The following DOP1A variants were observed in gnomAD, a reference collection of about 807,000 sequenced individuals.
The protein encoded by DOP1A is protein DOP1A.
A neutral mutation model predicts 267.6 loss-of-function variants in DOP1A; 90 were observed. That is an observed-to-expected ratio of 0.34 (90% CI 0.28 to 0.40). The LOEUF (loss-of-function observed/expected upper bound fraction) is 0.40. DOP1A is among the 10% of genes least tolerant of loss of function. The pLI is 1.00. For missense variants in DOP1A, 2,437 were observed against 2,900.4 expected (o/e 0.84, Z 3.67); for synonymous variants, 932 against 999.1 (o/e 0.93, Z 1.27).
intron 4 of DOP1A, among the ~76,000 whole-genome samples, chr6:83,105,982 A>G (rs951027765): frequency 3.5e-4 from 54 of 152,336 alleles, no homozygotes; most frequent in African/African-American, 1.3e-3. Flanking sequence ...TCTTGTACAC[A>G]TACACACACG....
intron 37 of DOP1A, among the ~76,000 whole-genome samples, chr6:83,160,983 A>G (rs910961375): frequency 1.8e-4 from 27 of 152,016 alleles, no homozygotes; most frequent in Admixed American, 1.4e-3. Flanking sequence ...CCATATATAT[A>G]TATATATCTA....
intron 3 of DOP1A, among the ~76,000 whole-genome samples, chr6:83,099,567 T>G (rs1242502321): frequency 6.6e-6 from 1 of 152,100 alleles, no homozygotes; most frequent in Non-Finnish European, 1.5e-5. Flanking sequence ...TTTTTTAGAT[T>G]AACCAATATT....
At chr6:83,070,589 A>G (rs938233311) in intron 1 of DOP1A, among the ~76,000 whole-genome samples, 2 of 152,130 alleles carry the variant, frequency 1.3e-5, no homozygotes, top group African/African-American at 4.8e-5. Flanking sequence ...TTATACTTTT[A>G]CTCTCTGAGA....
intron 1 of DOP1A, among the ~76,000 whole-genome samples, chr6:83,071,862 AT>A (rs1295068384): frequency 6.6e-6 from 1 of 152,206 alleles, no homozygotes; most frequent in Non-Finnish European, 1.5e-5. Context: ...TAAAATCTAA[AT>A]CAGAAAACAA....
Position 83,164,640 on chromosome 6 carries a change from TCTC to T in DOP1A, c.7092+1725_7092+1727del, listed in dbSNP as rs776836297. 6 of 1,559,342 alleles carry T rather than the reference TCTC, an allele frequency of 3.8e-6. No homozygotes were observed. The African/African-American group carries it at 5.4e-5, about 14-fold the overall frequency. On this transcript the variant is annotated intron_variant, in intron 38 of 38. Coordinates refer to ENST00000349129, the MANE Select transcript of DOP1A (RefSeq NM_015018.4). ...TTTCACTGGAACAAAGGCTGTGAGT[TCTC>T]CTCTTTCCTTCCACAGGACAAGGAG...
Position 83,100,649 on chromosome 6 carries a change from G to A in DOP1A, c.139-56G>A, listed in dbSNP as rs1772404876. 2.4e-6 allele frequency: 3 copies of A among 1,228,570 alleles called. No homozygotes were observed. The South Asian group carries it at 7.5e-5, about 31-fold the overall frequency. 76.1% of individuals were successfully genotyped at this position (1,228,570 alleles called of 1,614,324 possible). On this transcript the variant is annotated intron_variant, in intron 3 of 38. Transcript: ENST00000349129. ...TATAATACTATGCTAGAAAATGGAA[G>A]TAAAATGAATGCAATATTTTGTTTT...
chr6:83,126,099 AT>A (rs1443318886), intron 15 of DOP1A, among the ~76,000 whole-genome samples: 1 of 150,846 alleles, frequency 6.6e-6, no homozygotes, highest in African/African-American at 2.4e-5. Flanking sequence ...AGCTTACATG[AT>A]TTTTTTGTAC....
intron 31 of DOP1A, 72 bp downstream of exon 31, chr6:83,153,692 G>T: frequency 7.8e-7 from 1 of 1,280,428 alleles, no homozygotes; most frequent in East Asian, 2.5e-5. Context: ...TTCCCTTATT[G>T]CCATTTCTAG....
chr6:83,125,390 A>G, intron 14 of DOP1A, 110 bp from the exon 15 acceptor site: 1 of 1,069,560 alleles, frequency 9.3e-7, no homozygotes, highest in African/African-American at 1.6e-5. Context: ...AGCATGATGC[A>G]TATAAAACAT....
chr6:83,163,326 A>G (rs1254834071), intron 38 of DOP1A, among the ~76,000 whole-genome samples: 2 of 152,194 alleles, frequency 1.3e-5, no homozygotes, highest in African/African-American at 4.8e-5. Flanking sequence ...GATGACAAAC[A>G]AAAGTATGAG....
Position 83,119,849 on chromosome 6 carries a change from T to C in DOP1A, c.982T>C (p.Leu328=), listed in dbSNP as rs367698371. Residue 328 remains leucine, a synonymous_variant, in exon 9 of 39, where the codon TTA becomes CTA. Transcript: ENST00000349129. ...TTTCACTACCTTTTCAAAAGAATTA[T>C]TAGTCCAGGTAATGAATACTTTTAT... ...YYFTTFSKEL[L]VQAMVGILQV... is the part of the protein sequence containing the mutation. 104 of 1,609,154 alleles carry C rather than the reference T, an allele frequency of 6.5e-5. No homozygotes were observed. The highest frequency in any genetic ancestry group is 8.5e-5 in the Non-Finnish European group (100 of 1,175,996).
At position 83,110,076 on chromosome 6, in the gene DOP1A, A is replaced by G. The variant is rs199604244; in HGVS notation, c.492-49A>G. On this transcript the variant is annotated intron_variant, in intron 5 of 38. Transcript: ENST00000349129. ...GGAAAAGAATGATTTATTTTTTAAA[A>G]TATGAAACTAAATGTTTCCCTTCTT... 2.3e-5 allele frequency: 34 copies of G among 1,490,928 alleles called. No homozygotes were observed. In the East Asian group the frequency reaches 7.4e-4, roughly 32 times the overall value. The allele number at this position is 1,490,928 out of a possible 1,614,324, so 92.4% of individuals were successfully genotyped here.
chr6:83,068,030 C>T (rs1256450536), intron 1 of DOP1A, among the ~76,000 whole-genome samples: 2 of 151,970 alleles, frequency 1.3e-5, no homozygotes, highest in Non-Finnish European at 2.9e-5. Flanking sequence ...CGGGCAGAGG[C>T]GCGAGGGCGG....
chr6:83,164,090 T>C (rs901518036), intron 38 of DOP1A, among the ~76,000 whole-genome samples: 1 of 147,928 alleles, frequency 6.8e-6, no homozygotes. Flanking sequence ...CTAGGTTGTC[T>C]GGTGAGATCT....
Position 83,134,249 on chromosome 6 carries a change from T to C in DOP1A, c.2832T>C (p.His944=), listed in dbSNP as rs78707764. The change falls in exon 19 of 39, where the codon CAT becomes CAC. Residue 944 remains histidine (H), a synonymous_variant. Coordinates refer to ENST00000349129, the MANE Select transcript of DOP1A (RefSeq NM_015018.4). ...AVLWHLTRDL[H]INKSSSFVRS... ...TTTGGCATCTAACGAGAGATCTCCA[T>C]ATAAATAAATCTTCATCTTTTGTAC... 752 of 1,612,696 alleles carry C rather than the reference T, an allele frequency of 4.7e-4. 11 individuals carry two copies. The East Asian group carries it at 0.015, about 33-fold the overall frequency.
At chr6:83,090,800 T>G (rs1348041495) in intron 1 of DOP1A, among the ~76,000 whole-genome samples, 1 of 152,166 alleles carries the variant, frequency 6.6e-6, no homozygotes, top group East Asian at 1.9e-4. Flanking sequence ...AACTGCAATT[T>G]GTATGTATAT....
Position 83,137,437 on chromosome 6 carries a change from A to G in DOP1A, c.3395A>G (p.Asn1132Ser). The G allele has an allele frequency of 6.2e-7, 1 of 1,613,854 alleles. No homozygotes were observed. Among genetic ancestry groups the G allele is most frequent in the East Asian group, 2.2e-5 (1 of 44,846 alleles). Reference sequence around the variant, plus strand: ...TACGAAGTTGATCCTGAAACCGTGAATGCCCAAGAGGATTCTCAAATGCCC... The same window carrying G: ...TACGAAGTTGATCCTGAAACCGTGAGTGCCCAAGAGGATTCTCAAATGCCC... ...LSYEVDPETV[N>S]AQEDSQMPKE... The change falls in exon 21 of 39, where the codon AAT (asparagine) becomes AGT (serine). Residue 1132 changes from asparagine to serine, a missense_variant. Asn to Ser is a conservative substitution (Grantham distance 46). Coordinates refer to ENST00000349129, the MANE Select transcript of DOP1A (RefSeq NM_015018.4).
rs1786352921 is a variant in DOP1A, at chr6:83,168,340, GTT to G, written c.*175_*176del. ...AATGTCTGAATGTGGCCTGAATCAA[GTT>G]TAAATATTGTTGGCTCATACTGATT... On this transcript the variant is annotated 3_prime_UTR_variant, in exon 39 of 39. Transcript: ENST00000349129. 2.1e-6 allele frequency: 3 copies of G among 1,410,870 alleles called. No individual in the cohort carries two copies. In the South Asian group the frequency reaches 4.8e-5, roughly 22 times the overall value. The allele number at this position is 1,410,870 out of a possible 1,614,324, so 87.4% of individuals were successfully genotyped here.
At chr6:83,131,184 ATAT>A (rs1377703394) in intron 17 of DOP1A, among the ~76,000 whole-genome samples, 1 of 152,178 alleles carries the variant, frequency 6.6e-6, no homozygotes, top group Non-Finnish European at 1.5e-5. Flanking sequence ...ACTGGTATAA[ATAT>A]TATTCTCTAT....
Sources: allele counts gnomAD v4.1 joint callset (sites outside exome capture counted in the v4.1 genomes callset), GRCh38; gene constraint gnomAD v4.1.1; transcripts MANE v1.5; gene names NCBI Gene and HGNC (gene_info 2026-07-23, HGNC 2026-07-21).